The following RAP1GAP variants were observed in gnomAD, a reference collection of about 807,000 sequenced individuals.
RAP1GAP encodes the protein rap1 GTPase-activating protein 1.
A neutral mutation model predicts 87.2 loss-of-function variants in RAP1GAP; 35 were observed. The observed-to-expected ratio is 0.40, with a 90% CI of 0.31 to 0.53. The LOEUF (loss-of-function observed/expected upper bound fraction) is 0.53, where lower values mean the gene tolerates loss of function less well. Among genes scored for constraint, RAP1GAP ranks in the 20% least tolerant of loss-of-function variants. The pLI is 0.48. For synonymous variants in RAP1GAP, 375 were observed against 363.9 expected (o/e 1.03, Z -0.35); for missense variants, 734 against 898.9 (o/e 0.82, Z 2.35).
rs1267636118 is a variant in RAP1GAP at position 21,608,750 on chromosome 1, C to G, written c.1158+100G>C. On this transcript the variant is annotated intron_variant, in intron 16 of 24. Coordinates refer to ENST00000374765, the MANE Select transcript of RAP1GAP (RefSeq NM_002885.4). Reference sequence around the variant, plus strand: ...CCAGCCCCAGGTGTCCCCGCTAAGGCCAAGGTCTGAACATGGCTTTTCCCT... The same window carrying G: ...CCAGCCCCAGGTGTCCCCGCTAAGGGCAAGGTCTGAACATGGCTTTTCCCT... 2.0e-5 allele frequency: 25 copies of G among 1,254,508 alleles called. No homozygotes were observed. In the East Asian group the frequency reaches 5.1e-4, roughly 26 times the overall value. The allele number at this position is 1,254,508 out of a possible 1,614,324, so 77.7% of individuals were successfully genotyped here.
chr1:21,621,982 T>TG (rs1483761341), intron 3 of RAP1GAP, among the ~76,000 whole-genome samples: 2 of 152,150 alleles, frequency 1.3e-5, no homozygotes, highest in African/African-American at 4.8e-5. Flanking sequence ...GGGGTCCAGA[T>TG]GGGGGGTGCC....
intron 2 of RAP1GAP, among the ~76,000 whole-genome samples, chr1:21,628,923 AG>A (rs1381627602): frequency 6.7e-6 from 1 of 149,982 alleles, no homozygotes; most frequent in Non-Finnish European, 1.5e-5. Context: ...GGAGGAAGGG[AG>A]GGAGGGTGGC....
At chr1:21,664,823 T>C (rs1371386819) in intron 1 of RAP1GAP, among the ~76,000 whole-genome samples, 2 of 152,220 alleles carry the variant, frequency 1.3e-5, no homozygotes, top group African/African-American at 4.8e-5. Flanking sequence ...TGTTTGCTTT[T>C]CCTTCAGTGT....
In RAP1GAP at chr1:21,646,211, T is replaced by C. The variant is rs60870476; in HGVS notation, c.-113+3550A>G. Among the ~76,000 whole-genome samples the C allele has an allele frequency of 1.3e-3, 198 of 152,318 alleles. 4 individuals are homozygous for C. In the East Asian group the frequency reaches 0.035, roughly 27 times the overall value. On this transcript the variant is annotated intron_variant, in intron 2 of 24. Coordinates refer to ENST00000374765, the MANE Select transcript of RAP1GAP (RefSeq NM_002885.4). The stretch of plus-strand genomic sequence containing the variant: ...ATGGGAGAGACTGGTACCAATTCTG[T>C]CAAGAGGAAACATCTCAGCACCCAG...
chr1:21,603,688 G>A lies in RAP1GAP; in HGVS notation c.1429-775C>T, dbSNP rs750958137. 10 of 873,008 alleles carry A rather than the reference G, an allele frequency of 1.1e-5. No homozygotes were observed. The highest frequency in any genetic ancestry group is 8.5e-5 in the Admixed American group (5 of 58,516). 54.1% of individuals were successfully genotyped at this position (873,008 alleles called of 1,614,324 possible). On this transcript the variant is annotated intron_variant, in intron 18 of 24. Transcript: ENST00000374765. This position sits in a 1 kb window ranked among gnomAD's most constrained non-coding sequence, Gnocchi z 6.0. ...CCCAAAGCAGGTGCTGAGTGCCATC[G>A]GAGCTGCCGCCACTCCATCCCGCAC... is the stretch of plus-strand genomic sequence containing the variant.
Position 21,609,543 on chromosome 1 carries a change from G to A in RAP1GAP, c.1071+32C>T. ...CCCCAGGCCCCCACCCATTTGTCCT[G>A]CTCTGCCCATGACTGGGGGGGTGCC... is the stretch of plus-strand genomic sequence containing the variant. On this transcript the variant is annotated intron_variant, in intron 15 of 24. Transcript: ENST00000374765. This position sits in a 1 kb window ranked among gnomAD's most constrained non-coding sequence, Gnocchi z 4.4. The A allele has an allele frequency of 1.5e-6, 2 of 1,358,460 alleles. No homozygotes were observed. The highest frequency in any genetic ancestry group is 2.6e-5 in the East Asian group (1 of 39,026). 84.2% of individuals were successfully genotyped at this position (1,358,460 alleles called of 1,614,324 possible). A position where few individuals can be genotyped will look rare whatever the true frequency, so the allele number is the denominator to read the frequency against.
chr1:21,626,651 T>C (rs1227069674), intron 2 of RAP1GAP, among the ~76,000 whole-genome samples: 1 of 152,124 alleles, frequency 6.6e-6, no homozygotes, highest in African/African-American at 2.4e-5. Context: ...AGCCAAGCAG[T>C]GACCTACTCT....
In RAP1GAP at chr1:21,611,471, G is replaced by A. The variant is rs759020097; in HGVS notation, c.824C>T (p.Thr275Met). 28 of 1,613,950 alleles carry A rather than the reference G, an allele frequency of 1.7e-5. No homozygotes were observed. The highest frequency in any genetic ancestry group is 9.3e-5 in the African/African-American group (7 of 74,956). ...GGCTACCTGCTGGGCGTCCCCTTCC[G>A]TGTATGGCAGCTTGGTGGACACGTG... ...MFHVSTKLPY[T>M]EGDAQQLQRK... Residue 275 changes from threonine (T) to methionine (M), a missense_variant, in exon 13 of 25, where the codon ACG becomes ATG. Physicochemically the swap from Thr to Met is moderately conservative, Grantham distance 81. Coordinates refer to ENST00000374765, the MANE Select transcript of RAP1GAP (RefSeq NM_002885.4).
intron 1 of RAP1GAP, among the ~76,000 whole-genome samples, chr1:21,660,332 A>G (rs2097072661): frequency 3.9e-5 from 1 of 25,624 alleles, no homozygotes; most frequent in African/African-American, 1.3e-4. Context: ...AGTGGGTTCC[A>G]ACTCAGCTAT....
At chr1:21,635,141 C>G (rs1045740550) in intron 2 of RAP1GAP, among the ~76,000 whole-genome samples, 6 of 152,124 alleles carry the variant, frequency 3.9e-5, no homozygotes, top group Non-Finnish European at 8.8e-5. Context: ...CTGCCCCCTG[C>G]CCACGTCCAC....
At chr1:21,651,322 C>G (rs2096541745) in intron 1 of RAP1GAP, 1 of 436,446 alleles carries the variant, frequency 2.3e-6, no homozygotes, top group South Asian at 1.7e-5. Context: ...AGGGGCCCAA[C>G]AGCTGCAGAG....
chr1:21,601,561 G>C, intron 20 of RAP1GAP, 123 bp downstream of exon 20: 1 of 612,984 alleles, frequency 1.6e-6, no homozygotes, highest in East Asian at 3.0e-5. Context: ...GAATGCCCAG[G>C]TCCCCCTGAC....
chr1:21,667,971 TG>T (rs1487389348), intron 1 of RAP1GAP, among the ~76,000 whole-genome samples: 2 of 152,112 alleles, frequency 1.3e-5, no homozygotes, highest in Admixed American at 6.6e-5. Context: ...GAGAAGGGAA[TG>T]GGGGGCCCCC....
rs908774995 is a variant in RAP1GAP, at chr1:21,603,137, C to T, written c.1429-224G>A. On this transcript the variant is annotated intron_variant, in intron 18 of 24. Coordinates refer to ENST00000374765, the MANE Select transcript of RAP1GAP (RefSeq NM_002885.4). This position sits in a 1 kb window ranked among gnomAD's most constrained non-coding sequence, Gnocchi z 6.0. The stretch of plus-strand genomic sequence containing the variant: ...CCCGAGCTCACACGGCAGGACTGCA[C>T]GTCAATACTGGCCCAGGATTAGGAC... The T allele has an allele frequency of 2.8e-5, 15 of 543,514 alleles. No homozygotes were observed. The highest frequency in any genetic ancestry group is 1.7e-4 in the African/African-American group (9 of 52,592). The allele number at this position is 543,514 out of a possible 1,614,324, so 33.7% of individuals were successfully genotyped here.
intron 2 of RAP1GAP, among the ~76,000 whole-genome samples, chr1:21,649,168 T>C (rs556804556): frequency 6.6e-6 from 1 of 152,186 alleles, no homozygotes; most frequent in South Asian, 2.1e-4. Flanking sequence ...ACCCATTGCC[T>C]CTTGGTGTTG....
intron 2 of RAP1GAP, among the ~76,000 whole-genome samples, chr1:21,647,187 G>C (rs1032677206): frequency 3.9e-5 from 6 of 152,196 alleles, no homozygotes; most frequent in Admixed American, 2.6e-4. Context: ...GGGAGAAAGT[G>C]GGGGCTAAGT....
chr1:21,598,469 G>A lies in RAP1GAP; in HGVS notation c.1810C>T (p.Arg604Trp), dbSNP rs760497123. ...SVSSSGTPHK[R>W]DSFIYSTWLE... The stretch of plus-strand genomic sequence containing the variant: ...CACGTGCTATAGATGAAGGAGTCCC[G>A]CTTGTGGGGTGTTCCTGAGGATGAC... Residue 604 changes from arginine (R) to tryptophan (W), a missense_variant, in exon 22 of 25, where the codon CGG (arginine) becomes TGG (tryptophan). Arg to Trp is a moderately radical substitution (Grantham distance 101). Transcript: ENST00000374765. 50 of 1,613,790 alleles carry A rather than the reference G, an allele frequency of 3.1e-5. No homozygotes were observed. The East Asian group carries it at 4.5e-4, about 14-fold the overall frequency.
At chr1:21,597,938 C>A in intron 23 of RAP1GAP, 23 bp downstream of exon 23, 1 of 1,552,554 alleles carries the variant, frequency 6.4e-7, no homozygotes, top group Non-Finnish European at 8.7e-7. Flanking sequence ...CCCTCAGCAC[C>A]AGCCCCAGGA....
intron 2 of RAP1GAP, among the ~76,000 whole-genome samples, chr1:21,644,197 C>T (rs1401285956): frequency 1.3e-5 from 2 of 152,208 alleles, no homozygotes; most frequent in Non-Finnish European, 2.9e-5. Flanking sequence ...AGGCTCATCC[C>T]TGCCTCAGAG....
Sources: allele counts gnomAD v4.1 joint callset (sites outside exome capture counted in the v4.1 genomes callset), GRCh38; gene constraint gnomAD v4.1.1; non-coding constraint Gnocchi (gnomAD v3.1); transcripts MANE v1.5; gene names NCBI Gene and HGNC (gene_info 2026-07-23, HGNC 2026-07-21).